VPS13A: variants seen among roughly 807,000 people sequenced by gnomAD.
The protein encoded by VPS13A is vacuolar protein sorting 13 homolog A, also known as intermembrane lipid transfer protein VPS13A.
A neutral mutation model predicts 390.9 loss-of-function variants in VPS13A; 264 were observed. That is an observed-to-expected ratio of 0.68 (90% CI 0.61 to 0.75). The LOEUF (loss-of-function observed/expected upper bound fraction) is 0.75. Ranked by LOEUF, VPS13A falls within the 30% of genes least tolerant of loss-of-function variation. VPS13A has a pLI of 0.00. For synonymous variants in VPS13A, 1,231 were observed against 1,227.1 expected (o/e 1.00, Z -0.07); for missense variants, 3,409 against 3,733.9 (o/e 0.91, Z 2.27).
In VPS13A at chr9:77,419,370, T is replaced by C. The variant is rs1835275811; in HGVS notation, c.*3364T>C. The C allele has an allele frequency of 6.6e-6, 1 of 152,230 alleles. No homozygotes were observed. Among genetic ancestry groups the C allele is most frequent in the African/African-American group, 2.4e-5 (1 of 41,466 alleles). The allele number at this position is 152,230 out of a possible 1,614,324, so 9.4% of individuals were successfully genotyped here. On this transcript the variant is annotated 3_prime_UTR_variant, in exon 72 of 72. Coordinates refer to ENST00000360280, the MANE Select transcript of VPS13A (RefSeq NM_033305.3). The stretch of plus-strand genomic sequence containing the variant: ...AGCTAAATATTCTATTTACTGTGTA[T>C]ACTGGGTCACAATATAAAGTGTTTC...
At chr9:77,382,583 G>A (rs925003717) in intron 68 of VPS13A, 4 of 1,106,540 alleles carry the variant, frequency 3.6e-6, no homozygotes, top group African/African-American at 1.6e-5. Context: ...TTAAACCACT[G>A]GTAGCTTTTA....
At position 77,340,487 on chromosome 9, in the gene VPS13A, C is replaced by A; in HGVS notation, c.6963C>A (p.Ser2321Arg). The A allele has an allele frequency of 6.2e-7, 1 of 1,613,186 alleles. No individual in the cohort carries two copies. Residue 2321 changes from serine to arginine, a missense_variant, in exon 50 of 72, where the codon AGC (serine) becomes AGA (arginine). Transcript: ENST00000360280. Reference sequence around the variant, plus strand: ...CTTTTTATATGATTAAAAACAAAAGCAAATACCATATATCAGTGGCTGAAG... The same window carrying A: ...CTTTTTATATGATTAAAAACAAAAGAAAATACCATATATCAGTGGCTGAAG... Reference protein sequence around the residue: ...FTPFYMIKNKSKYHISVAEEG... With the variant: ...FTPFYMIKNKRKYHISVAEEG...
intron 10 of VPS13A, among the ~76,000 whole-genome samples, chr9:77,217,479 G>A (rs1822928596): frequency 6.6e-6 from 1 of 151,960 alleles, no homozygotes; most frequent in African/African-American, 2.4e-5. Context: ...CTACCTTTCT[G>A]AGTCTCCAGT....
chr9:77,274,197 A>T (rs1237884773), intron 24 of VPS13A, among the ~76,000 whole-genome samples: 1 of 152,136 alleles, frequency 6.6e-6, no homozygotes, highest in Non-Finnish European at 1.5e-5. Context: ...TGGGAGGCCA[A>T]GGCGGGCGGA....
chr9:77,342,554 C>T (rs747399211), intron 50 of VPS13A, among the ~76,000 whole-genome samples: 17 of 152,120 alleles, frequency 1.1e-4, no homozygotes, highest in Non-Finnish European at 2.2e-4. Context: ...CATTCTCTTT[C>T]TGATGGTCCA....
chr9:77,266,279 G>A (rs548577852), intron 23 of VPS13A, among the ~76,000 whole-genome samples: 102 of 152,274 alleles, frequency 6.7e-4, no homozygotes, highest in Non-Finnish European at 1.1e-3. Flanking sequence ...TTGATTTGGG[G>A]GTGGAGAGTT....
At position 77,341,017 on chromosome 9, in the gene VPS13A, G is replaced by A. The variant is rs546474894; in HGVS notation, c.7026+467G>A. 1.9e-3 allele frequency among the ~76,000 whole-genome samples: 287 copies of A among 152,294 alleles called. 1 individual carries two copies. Among genetic ancestry groups the A allele is most frequent in the African/African-American group, 6.4e-3 (265 of 41,572 alleles). On this transcript the variant is annotated intron_variant, in intron 50 of 71. Coordinates refer to ENST00000360280, the MANE Select transcript of VPS13A (RefSeq NM_033305.3). The stretch of plus-strand genomic sequence containing the variant: ...AGAGTTTTCTGAATGACTGACAGAG[G>A]TTGATGGAATATTTTATTTTTGAAG...
At position 77,371,161 on chromosome 9, in the gene VPS13A, T is replaced by C; in HGVS notation, c.9077+12T>C. 1 of 1,613,808 alleles carries C rather than the reference T, an allele frequency of 6.2e-7. No individual in the cohort carries two copies. Among genetic ancestry groups the C allele is most frequent in the African/African-American group, 1.3e-5 (1 of 75,050 alleles). ...CAGGGAATAAAAAGGTAAATCCTCTTTGGTGTAAGATATGAGTTAAAATGC... is the reference window on the plus strand; with the variant it reads ...CAGGGAATAAAAAGGTAAATCCTCTCTGGTGTAAGATATGAGTTAAAATGC... On this transcript the variant is annotated intron_variant, in intron 67 of 71. Transcript: ENST00000360280.
At chr9:77,187,142 T>C (rs1335972527) in intron 1 of VPS13A, among the ~76,000 whole-genome samples, 1 of 152,214 alleles carries the variant, frequency 6.6e-6, no homozygotes, top group Non-Finnish European at 1.5e-5. Context: ...TGATGAATAG[T>C]TGGGCAGCTT....
At chr9:77,381,598 A>G (rs1406867603) in intron 67 of VPS13A, among the ~76,000 whole-genome samples, 2 of 152,138 alleles carry the variant, frequency 1.3e-5, no homozygotes, top group Non-Finnish European at 2.9e-5. Flanking sequence ...AAAAAAAAAA[A>G]GTTGCTGATA....
intron 71 of VPS13A, among the ~76,000 whole-genome samples, chr9:77,413,540 G>A (rs1835036319): frequency 6.6e-6 from 1 of 152,180 alleles, no homozygotes; most frequent in South Asian, 2.1e-4. Context: ...CTAGCCATAT[G>A]TAGAAAGCTG....
chr9:77,253,669 TA>T lies in VPS13A; in HGVS notation c.2288+1318del, dbSNP rs1157235869. 3.9e-5 allele frequency among the ~76,000 whole-genome samples: 6 copies of T among 152,182 alleles called. 1 individual carries two copies. In the South Asian group the frequency reaches 8.3e-4, roughly 21 times the overall value. The stretch of plus-strand genomic sequence containing the variant: ...CTTTATCAGATATATGATTTGCAAA[TA>T]TTTTTTCTCACTCTGTGTTTCCTTA... On this transcript the variant is annotated intron_variant, in intron 22 of 71. Transcript: ENST00000360280.
In VPS13A at chr9:77,415,938, T is replaced by C; in HGVS notation, c.9475-18T>C. The C allele has an allele frequency of 6.2e-7, 1 of 1,612,994 alleles. No homozygotes were observed. Among genetic ancestry groups the C allele is most frequent in the South Asian group, 1.1e-5 (1 of 91,060 alleles). The stretch of plus-strand genomic sequence containing the variant: ...GTTCACTGAAGTAAGCAAATGTTCA[T>C]TTATTTTCCCACCGCAGTGGATCCT... On this transcript the variant is annotated intron_variant, in intron 71 of 71. Coordinates refer to ENST00000360280, the MANE Select transcript of VPS13A (RefSeq NM_033305.3).
At position 77,382,048 on chromosome 9, in the gene VPS13A, G is replaced by A. The variant is rs143089318; in HGVS notation, c.9150G>A (p.Pro3050=). The A allele has an allele frequency of 9.1e-4, 1,457 of 1,608,380 alleles. 16 individuals carry two copies. In the African/African-American group the frequency reaches 0.016, roughly 18 times the overall value. ...RFFNEDGVIR[P]YRLRDGTGNQ... ...TCAATGAAGATGGAGTTATCAGACC[G>A]TACAGGTTGAGGGATGGGACTGGAA... Residue 3050 remains proline (P), a synonymous_variant, in exon 68 of 72, where the codon CCG becomes CCA. Transcript: ENST00000360280.
intron 68 of VPS13A, among the ~76,000 whole-genome samples, chr9:77,389,348 C>G (rs1833815889): frequency 6.7e-6 from 1 of 149,756 alleles, no homozygotes; most frequent in South Asian, 2.1e-4. Flanking sequence ...CACTCCATTG[C>G]CCATGCTGGA....
In VPS13A at chr9:77,339,491, TTTG is replaced by T. The variant is rs756363449; in HGVS notation, c.6379-22_6379-20del. On this transcript the variant is annotated intron_variant, in intron 47 of 71. Transcript: ENST00000360280. ...TATTCTGCAACATTTTAAATTTTGT[TTTG>T]TTTTTTTTTTTTTTATTACAGGGAA... 1,090 of 1,463,544 alleles carry T rather than the reference TTTG, an allele frequency of 7.4e-4. 15 individuals carry two copies. The highest frequency in any genetic ancestry group is 8.4e-4 in the South Asian group (63 of 75,148). 90.7% of individuals were successfully genotyped at this position (1,463,544 alleles called of 1,614,324 possible).
At chr9:77,265,082 A>T (rs1034701277) in intron 23 of VPS13A, among the ~76,000 whole-genome samples, 1 of 152,150 alleles carries the variant, frequency 6.6e-6, no homozygotes. Context: ...GGTTCAGTTT[A>T]TGTGATGGAT....
chr9:77,316,115 AAAT>A, intron 38 of VPS13A, 56 bp from the exon 39 acceptor site: 1 of 917,890 alleles, frequency 1.1e-6, no homozygotes, highest in Non-Finnish European at 1.4e-6. Flanking sequence ...ATTTTCTTAT[AAAT>A]AATAAATTAT....
chr9:77,204,721 G>C (rs1825537829), intron 3 of VPS13A, among the ~76,000 whole-genome samples: 1 of 152,008 alleles, frequency 6.6e-6, no homozygotes, highest in Non-Finnish European at 1.5e-5. Flanking sequence ...TGACCTCCTG[G>C]GCTCAAGATC....
Sources: gnomAD v4.1 joint callset for allele counts (sites outside exome capture counted in the v4.1 genomes callset) on GRCh38, gnomAD v4.1.1 for gene constraint, MANE v1.5 for transcripts, NCBI Gene and HGNC (gene_info 2026-07-23, HGNC 2026-07-21) for gene names.